The following ERICH6B variants were observed in gnomAD, a reference collection of about 807,000 sequenced individuals.
ERICH6B encodes glutamate rich 6B, also known as glutamate-rich protein 6B.
ERICH6B carries 69 observed loss-of-function variants against 80.0 expected under a neutral mutation model. The observed-to-expected ratio is 0.86, with a 90% CI of 0.71 to 1.05. The LOEUF (loss-of-function observed/expected upper bound fraction) is 1.05. Among genes scored for constraint, ERICH6B ranks in the 50% least tolerant of loss-of-function variants. ERICH6B has a pLI of 0.00. For missense variants in ERICH6B, 754 were observed against 796.1 expected (o/e 0.95, Z 0.64); for synonymous variants, 283 against 291.9 (o/e 0.97, Z 0.31).
intron 13 of ERICH6B, among the ~76,000 whole-genome samples, chr13:45,548,566 A>G (rs573433179): frequency 6.6e-6 from 1 of 152,246 alleles, no homozygotes; most frequent in African/African-American, 2.4e-5. Context: ...TGACTTTTGC[A>G]GGGGTGAGGG....
intron 2 of ERICH6B, among the ~76,000 whole-genome samples, chr13:45,603,761 C>T (rs928450867): frequency 1.3e-5 from 2 of 152,188 alleles, no homozygotes; most frequent in African/African-American, 4.8e-5. Context: ...GCCATCCTTT[C>T]CCCTTTGTCC....
At chr13:45,588,003 T>G (rs1260111864) in intron 4 of ERICH6B, among the ~76,000 whole-genome samples, 2 of 152,212 alleles carry the variant, frequency 1.3e-5, no homozygotes, top group African/African-American at 4.8e-5. Flanking sequence ...TGGTGTCAGC[T>G]CTTGACACCT....
chr13:45,545,018 G>C (rs1347222200), intron 13 of ERICH6B, 33 bp from the exon 14 acceptor site: 4 of 1,533,190 alleles, frequency 2.6e-6, no homozygotes, highest in Non-Finnish European at 3.5e-6. Context: ...AGGCAGCCAG[G>C]GCGCTCAGCC....
intron 11 of ERICH6B, among the ~76,000 whole-genome samples, chr13:45,553,553 C>T (rs1375608208): frequency 6.6e-6 from 1 of 152,136 alleles, no homozygotes; most frequent in Non-Finnish European, 1.5e-5. Flanking sequence ...CATACAGTGG[C>T]TGTTTCCTTA....
Position 45,561,431 on chromosome 13 carries a change from G to T in ERICH6B, c.1345C>A (p.Arg449Ser), listed in dbSNP as rs547019105. The T allele has an allele frequency of 2.6e-6, 4 of 1,552,230 alleles. No homozygotes were observed. The highest frequency in any genetic ancestry group is 3.9e-5 in the Admixed American group (2 of 50,990). ...PETEEIQKPQRVVHHRKKLER... is the reference protein window; with the variant it reads ...PETEEIQKPQSVVHHRKKLER... The stretch of plus-strand genomic sequence containing the variant: ...AATTTCTTCCTATGATGAACAACAC[G>T]TTGAGGCTTTTGGATTTCTTCTGTC... The change falls in exon 11 of 15, where the codon CGT (arginine) becomes AGT (serine). Residue 449 changes from arginine (R) to serine (S), a missense_variant. Transcript: ENST00000298738.
At chr13:45,584,180 C>G (rs541386794) in intron 5 of ERICH6B, among the ~76,000 whole-genome samples, 41 of 152,324 alleles carry the variant, frequency 2.7e-4, no homozygotes, top group African/African-American at 9.6e-4. Context: ...GGATGTAATG[C>G]TCTGCATTAG....
chr13:45,607,819 A>G lies in ERICH6B; in HGVS notation c.-110-204T>C, dbSNP rs574567315. Among the ~76,000 whole-genome samples the G allele has an allele frequency of 2.0e-5, 3 of 152,232 alleles. No individual in the cohort carries two copies. In the South Asian group the frequency reaches 6.2e-4, roughly 32 times the overall value. Reference sequence around the variant, plus strand: ...AATCAAACCAAAGCAGCCCTTGCTTACGGTGTGCCTCTTCTGCCAACCCCA... The same window carrying G: ...AATCAAACCAAAGCAGCCCTTGCTTGCGGTGTGCCTCTTCTGCCAACCCCA... On this transcript the variant is annotated intron_variant, in intron 1 of 14. Coordinates refer to ENST00000298738, the MANE Select transcript of ERICH6B (RefSeq NM_182542.3).
At chr13:45,575,453 G>A (rs1405154823) in intron 7 of ERICH6B, among the ~76,000 whole-genome samples, 1 of 152,192 alleles carries the variant, frequency 6.6e-6, no homozygotes, top group Non-Finnish European at 1.5e-5. Flanking sequence ...AGGGAAGGAG[G>A]AGTAGGTGGG....
At chr13:45,549,787 T>C in intron 13 of ERICH6B, 106 bp downstream of exon 13, 1 of 1,264,992 alleles carries the variant, frequency 7.9e-7, no homozygotes, top group East Asian at 2.6e-5. Flanking sequence ...ATTTCCAACA[T>C]GTGTAACTCT....
chr13:45,570,015 G>A, intron 8 of ERICH6B, among the ~76,000 whole-genome samples: 1 of 152,336 alleles, frequency 6.6e-6, no homozygotes, highest in Non-Finnish European at 1.5e-5. Flanking sequence ...AAAACAGAAT[G>A]TCTGTTGTGG....
intron 2 of ERICH6B, among the ~76,000 whole-genome samples, chr13:45,606,472 T>A (rs1411317833): frequency 7.3e-6 from 1 of 136,586 alleles, no homozygotes; most frequent in Non-Finnish European, 1.5e-5. Flanking sequence ...GAAATTGCAC[T>A]GTCTTCTTGG....
At chr13:45,587,024 C>A in intron 5 of ERICH6B, 39 bp downstream of exon 5, 1 of 1,533,218 alleles carries the variant, frequency 6.5e-7, no homozygotes, top group Non-Finnish European at 8.8e-7. Context: ...GCCCACAGAG[C>A]CCGGCTGCGC....
At chr13:45,570,942 G>T (rs1469979682) in intron 8 of ERICH6B, among the ~76,000 whole-genome samples, 1 of 151,992 alleles carries the variant, frequency 6.6e-6, no homozygotes, top group African/African-American at 2.4e-5. Context: ...GCAGCTGCAG[G>T]TTCCATGTGG....
At chr13:45,547,497 T>A (rs1874039143) in intron 13 of ERICH6B, among the ~76,000 whole-genome samples, 2 of 152,344 alleles carry the variant, frequency 1.3e-5, no homozygotes, top group South Asian at 2.1e-4. Context: ...GGCTACGGAC[T>A]TCCTGGAGCC....
At chr13:45,604,326 G>C (rs1566306737) in intron 2 of ERICH6B, among the ~76,000 whole-genome samples, 1 of 152,328 alleles carries the variant, frequency 6.6e-6, no homozygotes, top group African/African-American at 2.4e-5. Flanking sequence ...AGTCTTATCT[G>C]TATCCTCATC....
chr13:45,602,371 A>G (rs1026997065), intron 2 of ERICH6B, among the ~76,000 whole-genome samples: 4 of 152,220 alleles, frequency 2.6e-5, no homozygotes, highest in South Asian at 2.1e-4. Context: ...GGAAGTTGTT[A>G]TCTATAAATG....
chr13:45,547,907 G>A (rs1047781744), intron 13 of ERICH6B, among the ~76,000 whole-genome samples: 2 of 152,222 alleles, frequency 1.3e-5, no homozygotes, highest in East Asian at 3.8e-4. Context: ...GCCTGAGGGT[G>A]CCCAGCTCTG....
intron 7 of ERICH6B, among the ~76,000 whole-genome samples, 155 bp downstream of exon 7, chr13:45,579,778 G>T (rs1452721372): frequency 6.6e-6 from 1 of 152,162 alleles, no homozygotes; most frequent in African/African-American, 2.4e-5. Flanking sequence ...TTCTTGAGGA[G>T]GTTTGGGGTC....
At chr13:45,584,761 T>G (rs80267452) in intron 5 of ERICH6B, among the ~76,000 whole-genome samples, 4,602 of 152,284 alleles carry the variant, frequency 0.03, 218 homozygotes, top group African/African-American at 0.1. Flanking sequence ...TGCCCAGTTC[T>G]TTGGGTTGTG....
Sources: allele counts gnomAD v4.1 joint callset (sites outside exome capture counted in the v4.1 genomes callset), GRCh38; gene constraint gnomAD v4.1.1; transcripts MANE v1.5; gene names NCBI Gene and HGNC (gene_info 2026-07-23, HGNC 2026-07-21).